The following DGKB variants were observed in gnomAD, a reference collection of about 807,000 sequenced individuals.
The protein encoded by DGKB is diacylglycerol kinase beta.
DGKB carries 67 observed loss-of-function variants against 114.3 expected under a neutral mutation model. That is an observed-to-expected ratio of 0.59 (90% CI 0.48 to 0.72). The LOEUF (loss-of-function observed/expected upper bound fraction) is 0.72, where lower values mean the gene tolerates loss of function less well. DGKB is among the 30% of genes least tolerant of loss of function. DGKB has a pLI of 0.00. For missense variants in DGKB, 907 were observed against 975.2 expected (o/e 0.93, Z 0.93); for synonymous variants, 398 against 323.1 (o/e 1.23, Z -2.49).
chr7:14,729,186 C>G (rs1319804449), intron 5 of DGKB, among the ~76,000 whole-genome samples: 27 of 145,468 alleles, frequency 1.9e-4, no homozygotes, highest in South Asian at 1.5e-3. Flanking sequence ...GCAGTGGCGC[C>G]ATCTCGGCTC....
intron 20 of DGKB, among the ~76,000 whole-genome samples, chr7:14,536,045 T>C (rs879371259): frequency 6.6e-6 from 1 of 151,998 alleles, no homozygotes; most frequent in Non-Finnish European, 1.5e-5. Context: ...TGCTAACAAA[T>C]TGGACAATCA....
chr7:14,539,989 G>C (rs1793154148), intron 20 of DGKB, among the ~76,000 whole-genome samples: 2 of 151,836 alleles, frequency 1.3e-5, no homozygotes, highest in Admixed American at 1.3e-4. Context: ...ACATCATTGA[G>C]CATGTTTTTC....
chr7:14,316,811 G>T (rs948589960), intron 23 of DGKB, among the ~76,000 whole-genome samples: 3 of 151,130 alleles, frequency 2.0e-5, no homozygotes, highest in African/African-American at 7.3e-5. Flanking sequence ...TGATATCAAA[G>T]CCGGGCAGAG....
Position 14,580,898 on chromosome 7 carries a change from C to T in DGKB, c.1573G>A (p.Gly525Ser). ...PPVAILPLGT[G>S]NDLARCLRWG... ...CGCAGGCATCTTGCTAGATCATTGC[C>T]AGTCCCAAGAGGCAGAATCGCAACT... The change falls in exon 19 of 26, where the codon GGC becomes AGC. Residue 525 changes from glycine to serine, a missense_variant. By Grantham distance (56) the Gly-to-Ser change is moderately conservative. Around this residue, in one of 3 missense-constraint regions of DGKB, gnomAD observed 814 missense variants for 856.6 expected, o/e 0.95. Coordinates refer to ENST00000402815, the MANE Select transcript of DGKB (RefSeq NM_001350709.2). 6.2e-7 allele frequency: 1 copy of T among 1,604,214 alleles called. No homozygotes were observed. Among genetic ancestry groups the T allele is most frequent in the Non-Finnish European group, 8.5e-7 (1 of 1,173,238 alleles).
intron 23 of DGKB, among the ~76,000 whole-genome samples, chr7:14,218,208 C>G (rs1039520775): frequency 6.6e-6 from 1 of 151,802 alleles, no homozygotes; most frequent in Non-Finnish European, 1.5e-5. Flanking sequence ...TTCATGTGTT[C>G]AAAATAGAGA....
chr7:14,785,014 T>G lies in DGKB; in HGVS notation c.71-27283A>C, dbSNP rs183948400. ...AAGGTTATGTATGTATCACAGTAACTTGTCCATTATCTCTGTCAACTGTGA... is the reference window on the plus strand; with the variant it reads ...AAGGTTATGTATGTATCACAGTAACGTGTCCATTATCTCTGTCAACTGTGA... On this transcript the variant is annotated intron_variant, in intron 2 of 25. Transcript: ENST00000402815. Among the ~76,000 whole-genome samples, 67 of 152,318 alleles carry G rather than the reference T, an allele frequency of 4.4e-4. No homozygotes were observed. The East Asian group carries it at 9.7e-3, about 22-fold the overall frequency.
At chr7:14,211,425 T>TA (rs764126973) in intron 23 of DGKB, among the ~76,000 whole-genome samples, 783 of 45,904 alleles carry the variant, frequency 0.017, 38 homozygotes, top group East Asian at 0.043. Flanking sequence ...TGTTTTGTGA[T>TA]TTTACTCTCG....
intron 21 of DGKB, among the ~76,000 whole-genome samples, chr7:14,428,767 C>T (rs2128782469): frequency 6.6e-6 from 1 of 152,110 alleles, no homozygotes; most frequent in Non-Finnish European, 1.5e-5. Context: ...TTGTATACCC[C>T]TCTCCCTTTA....
chr7:14,647,246 C>CA (rs752665601), intron 13 of DGKB, among the ~76,000 whole-genome samples: 23 of 151,924 alleles, frequency 1.5e-4, no homozygotes, highest in South Asian at 6.2e-4. Context: ...TACAACCTGC[C>CA]AAAATTGAAC....
chr7:14,663,388 A>G (rs957980680), intron 13 of DGKB, among the ~76,000 whole-genome samples: 2 of 151,988 alleles, frequency 1.3e-5, no homozygotes, highest in African/African-American at 4.8e-5. Flanking sequence ...GCCCTTTTCA[A>G]CTGAATTGTT....
chr7:14,876,289 A>G (rs1853272705), intron 1 of DGKB, among the ~76,000 whole-genome samples: 1 of 152,212 alleles, frequency 6.6e-6, no homozygotes, highest in Admixed American at 6.5e-5. Context: ...TAATTAAAGG[A>G]GATATAAATA....
intron 4 of DGKB, among the ~76,000 whole-genome samples, chr7:14,744,750 C>G (rs111981432): frequency 2.0e-5 from 3 of 152,240 alleles, no homozygotes; most frequent in Admixed American, 6.5e-5. Context: ...TTGTTTTTAA[C>G]AAAAATGAGG....
At chr7:14,318,680 C>G (rs866586320) in intron 23 of DGKB, among the ~76,000 whole-genome samples, 9 of 152,142 alleles carry the variant, frequency 5.9e-5, no homozygotes, top group African/African-American at 1.2e-4. Context: ...CACTTTTACA[C>G]TGTTGGTGGG....
intron 1 of DGKB, among the ~76,000 whole-genome samples, chr7:14,924,643 A>G (rs1445231047): frequency 6.6e-6 from 1 of 152,164 alleles, no homozygotes; most frequent in Non-Finnish European, 1.5e-5. Flanking sequence ...AAATTCATCC[A>G]TCAAAGGTTT....
chr7:14,637,670 T>A (rs558783905), intron 13 of DGKB, among the ~76,000 whole-genome samples: 1 of 151,858 alleles, frequency 6.6e-6, no homozygotes, highest in African/African-American at 2.4e-5. Flanking sequence ...CATTCTGGTA[T>A]AATATTCTAT....
chr7:14,501,187 G>A (rs1786112166), intron 20 of DGKB, among the ~76,000 whole-genome samples: 1 of 151,794 alleles, frequency 6.6e-6, no homozygotes, highest in Admixed American at 6.6e-5. Context: ...GGTTGTGACT[G>A]TATGATTTTT....
chr7:14,319,495 T>G (rs1456818487), intron 23 of DGKB, among the ~76,000 whole-genome samples: 2 of 152,186 alleles, frequency 1.3e-5, no homozygotes, highest in East Asian at 1.9e-4. Context: ...TGAATACATA[T>G]TTTAATAATT....
At chr7:14,616,717 G>T (rs1432798917) in intron 15 of DGKB, among the ~76,000 whole-genome samples, 3 of 151,718 alleles carry the variant, frequency 2.0e-5, no homozygotes, top group African/African-American at 7.2e-5. Flanking sequence ...CCCTCAACCT[G>T]CTCTCAATCT....
At chr7:14,826,156 C>T (rs187448274) in intron 2 of DGKB, among the ~76,000 whole-genome samples, 7 of 152,230 alleles carry the variant, frequency 4.6e-5, no homozygotes, top group Non-Finnish European at 8.8e-5. Flanking sequence ...CTTGGCTGAC[C>T]TCATCATCCT....
Sources: allele counts gnomAD v4.1 joint callset (sites outside exome capture counted in the v4.1 genomes callset), GRCh38; gene constraint gnomAD v4.1.1; regional missense constraint gnomAD v4.1.1; transcripts MANE v1.5; gene names NCBI Gene and HGNC (gene_info 2026-07-23, HGNC 2026-07-21).